The following LVRN variants were observed in gnomAD, a reference collection of about 807,000 sequenced individuals.
LVRN encodes aminopeptidase Q.
A neutral mutation model predicts 111.4 loss-of-function variants in LVRN; 99 were observed. The observed-to-expected ratio is 0.89, with a 90% CI of 0.76 to 1.05. LVRN has a LOEUF of 1.05. LVRN is among the 50% of genes least tolerant of loss of function. The pLI, the probability that LVRN is intolerant of heterozygous loss-of-function variation, is 0.00. For synonymous variants in LVRN, 488 were observed against 449.5 expected, an observed-to-expected ratio of 1.09 and a Z score of -1.08; for missense variants, 1,414 against 1,206.8, an observed-to-expected ratio of 1.17 and a Z score of -2.54.
intron 10 of LVRN, 47 bp from the exon 11 acceptor site, chr5:116,002,788 T>C: frequency 7.2e-7 from 1 of 1,381,580 alleles, no homozygotes; most frequent in Non-Finnish European, 1.0e-6. Context: ...AGAGTGTATG[T>C]TTTTATGTGT....
chr5:116,017,516 C>T (rs1213334327), intron 18 of LVRN, among the ~76,000 whole-genome samples: 2 of 152,152 alleles, frequency 1.3e-5, no homozygotes, highest in African/African-American at 4.8e-5. Context: ...GAAAGTGTCT[C>T]TTCATTACTG....
intron 13 of LVRN, 61 bp downstream of exon 13, chr5:116,006,028 T>C: frequency 7.5e-7 from 1 of 1,329,964 alleles, no homozygotes; most frequent in Non-Finnish European, 1.1e-6. Flanking sequence ...ATAAAAATAA[T>C]AGCTTCATCA....
intron 9 of LVRN, 24 bp downstream of exon 9, chr5:116,000,682 AT>A: frequency 1.2e-6 from 2 of 1,609,706 alleles, no homozygotes; most frequent in South Asian, 2.2e-5. Context: ...TTTCTGACAC[AT>A]TCTTGCTGAG....
rs370325364 is a variant in LVRN at position 116,008,685 on chromosome 5, A to G, written c.2094-2056A>G. On this transcript the variant is annotated intron_variant, in intron 13 of 19. Coordinates refer to ENST00000357872, the MANE Select transcript of LVRN (RefSeq NM_173800.5). ...TAGGATAAAAGATCAAACCAGCCACAATATTCCCTTAAACCAAAGCCTAAT... is the reference window on the plus strand; with the variant it reads ...TAGGATAAAAGATCAAACCAGCCACGATATTCCCTTAAACCAAAGCCTAAT... Among the ~76,000 whole-genome samples the G allele has an allele frequency of 6.2e-4, 95 of 152,296 alleles. 1 individual carries two copies. Among genetic ancestry groups the G allele is most frequent in the African/African-American group, 2.1e-3 (89 of 41,576 alleles).
chr5:115,995,733 C>G (rs1271262985), intron 6 of LVRN, among the ~76,000 whole-genome samples: 1 of 152,212 alleles, frequency 6.6e-6, no homozygotes. Flanking sequence ...ACTCAGTCCT[C>G]AAACCAACCA....
intron 18 of LVRN, among the ~76,000 whole-genome samples, chr5:116,020,768 A>G (rs1382131615): frequency 6.6e-6 from 1 of 152,152 alleles, no homozygotes; most frequent in African/African-American, 2.4e-5. Context: ...AAGGAATCTG[A>G]CATGGCAGAG....
At position 115,967,279 on chromosome 5, in the gene LVRN, A is replaced by G. The variant is rs189930452; in HGVS notation, c.695+3967A>G. Among the ~76,000 whole-genome samples the G allele has an allele frequency of 1.4e-3, 206 of 152,326 alleles. 1 individual carries two copies. Among genetic ancestry groups the G allele is most frequent in the African/African-American group, 4.7e-3 (195 of 41,572 alleles). On this transcript the variant is annotated intron_variant, in intron 1 of 19. Transcript: ENST00000357872. ...ATGTTGTCTTCCGAAAGTGTTTTAC[A>G]TTTAAATCTATAATCCACTTTGAGA...
chr5:116,025,521 T>C (rs964736402), intron 19 of LVRN, among the ~76,000 whole-genome samples: 2 of 152,254 alleles, frequency 1.3e-5, no homozygotes, highest in African/African-American at 4.8e-5. Context: ...TCAGCCAATG[T>C]ACAAATTCAT....
chr5:116,000,784 T>G, intron 9 of LVRN, 126 bp downstream of exon 9: 1 of 1,036,640 alleles, frequency 9.6e-7, no homozygotes, highest in Non-Finnish European at 1.4e-6. Flanking sequence ...AGAACTCCCT[T>G]AGGTCATGGG....
intron 1 of LVRN, chr5:115,975,684 C>T (rs1753430386): frequency 6.5e-6 from 1 of 154,612 alleles, no homozygotes; most frequent in Non-Finnish European, 1.5e-5. Flanking sequence ...AACTTCAGAA[C>T]AACATTGAAA....
At chr5:116,025,956 A>G in intron 19 of LVRN, 22 bp from the exon 20 acceptor site, 11 of 1,612,986 alleles carry the variant, frequency 6.8e-6, no homozygotes, top group Middle Eastern at 1.7e-4. Context: ...TGCACTGATC[A>G]TCTGTCTCTC....
rs760118401 is a variant in LVRN at position 115,987,814 on chromosome 5, T to A, written c.980T>A (p.Ile327Lys). Residue 327 changes from isoleucine to lysine, a missense_variant and splice_region_variant, in exon 4 of 20, where the codon ATA becomes AAA. By Grantham distance (102) the Ile-to-Lys change is moderately radical. Coordinates refer to ENST00000357872, the MANE Select transcript of LVRN (RefSeq NM_173800.5). ...CACTGCTTAACTGTTTTGATTTAGA[T>A]ACGCATCTGGGCCCGGAAAGATGCA... ...HVNRTERGKE[I>K]RIWARKDAIA... The A allele has an allele frequency of 6.2e-7, 1 of 1,611,156 alleles. No homozygotes were observed.
chr5:116,019,546 C>T (rs1255506564), intron 18 of LVRN, among the ~76,000 whole-genome samples: 1 of 152,200 alleles, frequency 6.6e-6, no homozygotes, highest in African/African-American at 2.4e-5. Flanking sequence ...TTCATCCTTC[C>T]CTCTGCCCAT....
chr5:116,022,425 A>G lies in LVRN; in HGVS notation c.2791A>G (p.Thr931Ala), dbSNP rs1356372775. The G allele has an allele frequency of 5.7e-6, 9 of 1,569,674 alleles. No individual in the cohort carries two copies. The highest frequency in any genetic ancestry group is 5.7e-5 in the South Asian group (5 of 87,208). ...ACAATCATTGATTAATCTAATATAT[A>G]CAATAGGGAGAACCGTAACTACAGA... Reference protein sequence around the residue: ...GTQSLINLIYTIGRTVTTDLQ... With the variant: ...GTQSLINLIYAIGRTVTTDLQ... The change falls in exon 19 of 20, where the codon ACA becomes GCA. Residue 931 changes from threonine (T) to alanine (A), a missense_variant. Transcript: ENST00000357872.
intron 13 of LVRN, among the ~76,000 whole-genome samples, chr5:116,008,269 A>T (rs977626409): frequency 6.6e-6 from 1 of 152,120 alleles, no homozygotes; most frequent in Non-Finnish European, 1.5e-5. Flanking sequence ...GCATGAACCC[A>T]GGAAGCAGAG....
chr5:115,980,910 A>G (rs1235330559), intron 1 of LVRN, among the ~76,000 whole-genome samples: 10 of 152,164 alleles, frequency 6.6e-5, no homozygotes, highest in Admixed American at 6.5e-4. Flanking sequence ...CTCTTTTTCC[A>G]TCCTGCTGGA....
intron 6 of LVRN, among the ~76,000 whole-genome samples, chr5:115,995,947 CGTGTGTGTGTGT>C (rs3072895): frequency 2.7e-5 from 4 of 150,862 alleles, no homozygotes; most frequent in Admixed American, 2.0e-4. Context: ...AGAAGCTAAT[CGTGTGTGTGTGT>C]GTGTGTGTGT....
chr5:116,004,493 A>G (rs977999500), intron 12 of LVRN, among the ~76,000 whole-genome samples: 4 of 152,168 alleles, frequency 2.6e-5, no homozygotes. Flanking sequence ...GCACACAGCA[A>G]TCTCTCTAGC....
chr5:116,022,681 C>T (rs1424376605), intron 19 of LVRN, among the ~76,000 whole-genome samples: 1 of 152,246 alleles, frequency 6.6e-6, no homozygotes, highest in Admixed American at 6.5e-5. Context: ...CATCCTCTCT[C>T]ACCTGAATGC....
Sources: gnomAD v4.1 joint callset for allele counts (sites outside exome capture counted in the v4.1 genomes callset) on GRCh38, gnomAD v4.1.1 for gene constraint, MANE v1.5 for transcripts, NCBI Gene and HGNC (gene_info 2026-07-23, HGNC 2026-07-21) for gene names.